The following OBSL1 variants were observed in gnomAD, a reference collection of about 807,000 sequenced individuals.
The protein encoded by OBSL1 is obscurin-like protein 1.
A neutral mutation model predicts 172.0 loss-of-function variants in OBSL1; 160 were observed. The ratio of observed to expected loss-of-function variants is 0.93; its 90% CI spans 0.82 to 1.06. The LOEUF (loss-of-function observed/expected upper bound fraction) is 1.06. OBSL1 is among the 50% of genes least tolerant of loss of function. The pLI is 0.00. For missense variants in OBSL1, 2,681 were observed against 2,715.4 expected, an observed-to-expected ratio of 0.99 and a Z score of 0.28; for synonymous variants, 1,200 against 1,196.3, an observed-to-expected ratio of 1.00 and a Z score of -0.06.
intron 9 of OBSL1, 169 bp downstream of exon 9, chr2:219,559,056 G>C (rs949588677): frequency 3.3e-6 from 2 of 612,744 alleles, no homozygotes; most frequent in African/African-American, 3.7e-5. Flanking sequence ...CCTCCCACCA[G>C]GCCTCTGGTC....
chr2:219,547,560 T>G (rs145979116), downstream of OBSL1: 26,973 of 1,462,656 alleles, frequency 0.018, 288 homozygotes, highest in Non-Finnish European at 0.022. Context: ...TTTGGCTCGG[T>G]GGTCATCTTC....
At chr2:219,551,192 G>A (rs935042073) in intron 20 of OBSL1, 28 of 1,385,916 alleles carry the variant, frequency 2.0e-5, no homozygotes, top group Non-Finnish European at 2.6e-5. Flanking sequence ...GCTGGAGGAA[G>A]GCAGTGTTGG....
rs552631034 is a variant in OBSL1, at chr2:219,569,682, C to G, written c.1012+539G>C. 5.9e-5 allele frequency among the ~76,000 whole-genome samples: 9 copies of G among 152,352 alleles called. No homozygotes were observed. In the South Asian group the frequency reaches 1.9e-3, roughly 32 times the overall value. On this transcript the variant is annotated intron_variant, in intron 1 of 20. Transcript: ENST00000404537. ...CACTTGTTTCTCAAGGTGACAGATGCAGCCAGGCCGTCCCCACAGGGTTCA... is the reference window on the plus strand; with the variant it reads ...CACTTGTTTCTCAAGGTGACAGATGGAGCCAGGCCGTCCCCACAGGGTTCA...
chr2:219,563,241 G>C (rs1245798781), intron 7 of OBSL1, 114 bp downstream of exon 7: 4 of 1,108,738 alleles, frequency 3.6e-6, no homozygotes, highest in South Asian at 3.4e-5. Context: ...CGATCTGCCA[G>C]GGGGAGGGCA....
chr2:219,560,851 G>A (rs999506150), intron 8 of OBSL1, among the ~76,000 whole-genome samples: 6 of 152,222 alleles, frequency 3.9e-5, no homozygotes, highest in African/African-American at 1.2e-4. Flanking sequence ...GAGGGCAGTG[G>A]GGTGAGGACA....
chr2:219,552,799 C>T (rs1695731284), intron 17 of OBSL1, 69 bp downstream of exon 17: 3 of 1,525,660 alleles, frequency 2.0e-6, no homozygotes, highest in African/African-American at 2.8e-5. Context: ...TCATCAGGGT[C>T]CGGGGAAGAC....
chr2:219,557,129 T>C (rs1415248127), intron 12 of OBSL1: 13 of 524,228 alleles, frequency 2.5e-5, no homozygotes, highest in Admixed American at 3.7e-5. Context: ...GGGTGGACTC[T>C]AGAGCCCCTG....
At position 219,570,591 on chromosome 2, in the gene OBSL1, C is replaced by T. The variant is rs1431200370; in HGVS notation, c.642G>A (p.Ala214=). The change falls in exon 1 of 21, where the codon GCG becomes GCA. Residue 214 remains alanine (A), a synonymous_variant. Coordinates refer to ENST00000404537, the MANE Select transcript of OBSL1 (RefSeq NM_015311.3). ...GCGCCCCCGCCTGCGCGTGGCCGTG[C>T]GCGTTGCGGGCGTGGCACACGTAGA... ...SGVYVCHARN[A]HGHAQAGALL... 6.6e-7 allele frequency: 1 copy of T among 1,518,022 alleles called. No homozygotes were observed. 94.0% of individuals were successfully genotyped at this position (1,518,022 alleles called of 1,614,324 possible). A position where few individuals can be genotyped will look rare whatever the true frequency, so the allele number is the denominator to read the frequency against.
In OBSL1 at chr2:219,562,536, TCCA is replaced by T; in HGVS notation, c.2816_2818del (p.Val939del). The stretch of plus-strand genomic sequence containing the variant: ...CTTCTGCAGGAGCAGCGCGGGGCTC[TCCA>T]CCACCTCCTCTCCATCCTTGGTCCA... On this transcript the variant is annotated inframe_deletion, in exon 8 of 21. Coordinates refer to ENST00000404537, the MANE Select transcript of OBSL1 (RefSeq NM_015311.3). The T allele has an allele frequency of 6.2e-7, 1 of 1,613,918 alleles. No individual in the cohort carries two copies. The highest frequency in any genetic ancestry group is 8.5e-7 in the Non-Finnish European group (1 of 1,179,874).
intron 20 of OBSL1, chr2:219,551,141 C>T: frequency 7.2e-7 from 1 of 1,395,316 alleles, no homozygotes. Flanking sequence ...CTGAGATGGG[C>T]AGAGGCAAGC....
chr2:219,558,325 C>T lies in OBSL1; in HGVS notation c.3361G>A (p.Val1121Met), dbSNP rs1227466051. Residue 1121 changes from valine (V) to methionine (M), a missense_variant, in exon 10 of 21, where the codon GTG (valine) becomes ATG (methionine). Val to Met is a conservative substitution (Grantham distance 21, BLOSUM62 1). Transcript: ENST00000404537. ...AGCTGCAGGGCATCTGATGCCTCCA[C>T]TTCCAGCCCGTCCTTGTACCAGCGC... ...QVRWYKDGLEVEASDALQLGA... is the reference protein window; with the variant it reads ...QVRWYKDGLEMEASDALQLGA... The T allele has an allele frequency of 6.2e-7, 1 of 1,612,850 alleles. No homozygotes were observed. The highest frequency in any genetic ancestry group is 1.7e-5 in the Admixed American group (1 of 59,936).
chr2:219,548,607 T>G (rs915737563), downstream of OBSL1, among the ~76,000 whole-genome samples: 1 of 152,104 alleles, frequency 6.6e-6, no homozygotes, highest in African/African-American at 2.4e-5. Context: ...CTCAGCTTGC[T>G]TGAGGAAGTG....
intron 14 of OBSL1, chr2:219,555,752 G>A: frequency 7.4e-7 from 1 of 1,348,390 alleles, no homozygotes; most frequent in Non-Finnish European, 9.5e-7. Flanking sequence ...GATGCCCATG[G>A]CAAGTCTTTC....
intron 8 of OBSL1, chr2:219,559,726 A>G (rs1007407580): frequency 1.7e-5 from 9 of 522,736 alleles, no homozygotes; most frequent in African/African-American, 1.1e-4. Flanking sequence ...CATCTATCAC[A>G]TACCTTCCTC....
chr2:219,561,887 C>A (rs1214240333), intron 8 of OBSL1: 2 of 717,436 alleles, frequency 2.8e-6, no homozygotes, highest in Non-Finnish European at 5.2e-6. Flanking sequence ...GCAGCTGCTA[C>A]TCAGTGCCAG....
chr2:219,554,692 T>A lies in OBSL1; in HGVS notation c.4658A>T (p.Glu1553Val), dbSNP rs750156447. The change falls in exon 15 of 21, where the codon GAG (glutamate) becomes GTG (valine). Residue 1553 changes from glutamate (E) to valine (V), a missense_variant. Glu to Val is a moderately radical substitution (Grantham distance 121). Coordinates refer to ENST00000404537, the MANE Select transcript of OBSL1 (RefSeq NM_015311.3). ...CAGCTGGAAGGTGGCACTGCCCCCCTCACTGATGGTCACGTCCTCCAGAGG... is the reference window on the plus strand; with the variant it reads ...CAGCTGGAAGGTGGCACTGCCCCCCACACTGATGGTCACGTCCTCCAGAGG... ...LRPLEDVTIS[E>V]GGSATFQLEL... 2 of 1,581,986 alleles carry A rather than the reference T, an allele frequency of 1.3e-6. No individual in the cohort carries two copies. Among genetic ancestry groups the A allele is most frequent in the Non-Finnish European group, 8.6e-7 (1 of 1,163,962 alleles).
In OBSL1 at chr2:219,568,140, G is replaced by A; in HGVS notation, c.1197C>T (p.Ile399=). The change falls in exon 2 of 21, where the codon ATC becomes ATT. Residue 399 remains isoleucine (I), a synonymous_variant. Coordinates refer to ENST00000404537, the MANE Select transcript of OBSL1 (RefSeq NM_015311.3). The surrounding 1 kb of genome is among the most constrained non-coding windows in gnomAD (Gnocchi z 4.1). ...CATCATCGTCTGCCTTCAGCCTGTGGATGATGAGGCGCCGGACAGTGCCCT... is the reference window on the plus strand; with the variant it reads ...CATCATCGTCTGCCTTCAGCCTGTGAATGATGAGGCGCCGGACAGTGCCCT... ...IEEGTVRRLI[I]HRLKADDDGI... 6.2e-7 allele frequency: 1 copy of A among 1,613,866 alleles called. No homozygotes were observed. Among genetic ancestry groups the A allele is most frequent in the Non-Finnish European group, 8.5e-7 (1 of 1,179,912 alleles).
chr2:219,563,689 G>A (rs1696669071), intron 6 of OBSL1, 62 bp from the exon 7 acceptor site: 20 of 1,540,134 alleles, frequency 1.3e-5, no homozygotes, highest in African/African-American at 2.7e-5. Flanking sequence ...CAAACTAGCT[G>A]TGTGGCCAGG....
rs1031767171 is a variant in OBSL1, at chr2:219,559,616, A to G, written c.2954-119T>C. 6 of 856,918 alleles carry G rather than the reference A, an allele frequency of 7.0e-6. No individual in the cohort carries two copies. The African/African-American group carries it at 1.0e-4, about 15-fold the overall frequency. The allele number at this position is 856,918 out of a possible 1,614,324, so 53.1% of individuals were successfully genotyped here. On this transcript the variant is annotated intron_variant, in intron 8 of 20. Coordinates refer to ENST00000404537, the MANE Select transcript of OBSL1 (RefSeq NM_015311.3). ...AATGAGAATAATAAGTAAAATAATA[A>G]TAAGCAATAATAGGTCCACAGTTTG...
Sources: gnomAD v4.1 joint callset for allele counts (sites outside exome capture counted in the v4.1 genomes callset) on GRCh38, gnomAD v4.1.1 for gene constraint, Gnocchi (gnomAD v3.1) non-coding constraint, MANE v1.5 for transcripts, NCBI Gene and HGNC (gene_info 2026-07-23, HGNC 2026-07-21) for gene names.